Variants in ANO2 observed in about 807,000 individuals in gnomAD.
ANO2 encodes anoctamin-2.
A neutral mutation model predicts 124.2 loss-of-function variants in ANO2; 101 were observed. The ratio of observed to expected loss-of-function variants is 0.81; its 90% CI spans 0.69 to 0.96. ANO2 has a LOEUF of 0.96. Ranked by LOEUF, ANO2 falls within the 40% of genes least tolerant of loss-of-function variation. The probability of loss-of-function intolerance (pLI) is 0.00; values close to 1 mark genes in which losing one functional copy is unlikely to be tolerated. For missense variants in ANO2, 1,293 were observed against 1,274.5 expected, an observed-to-expected ratio of 1.01 and a Z score of -0.22; for synonymous variants, 486 against 482.5, an observed-to-expected ratio of 1.01 and a Z score of -0.09.
At chr12:5,672,383 G>C (rs868671066) in intron 14 of ANO2, among the ~76,000 whole-genome samples, 2 of 152,234 alleles carry the variant, frequency 1.3e-5, no homozygotes, top group Non-Finnish European at 1.5e-5. Flanking sequence ...TGGAGCCGGG[G>C]AACTATGTTA....
chr12:5,621,094 T>C (rs1945096674), intron 16 of ANO2, among the ~76,000 whole-genome samples: 1 of 152,032 alleles, frequency 6.6e-6, no homozygotes, highest in African/African-American at 2.4e-5. Flanking sequence ...TCACTTTCGG[T>C]TTCGAGATCT....
intron 14 of ANO2, among the ~76,000 whole-genome samples, chr12:5,680,682 C>T (rs965466919): frequency 2.0e-5 from 3 of 152,188 alleles, no homozygotes; most frequent in Non-Finnish European, 2.9e-5. Flanking sequence ...AAATGAGCAC[C>T]TGCCAGAAAT....
intron 10 of ANO2, among the ~76,000 whole-genome samples, chr12:5,779,649 C>T (rs904240420): frequency 7.9e-5 from 12 of 152,144 alleles, no homozygotes; most frequent in Middle Eastern, 3.2e-3. Flanking sequence ...CTGTCATAAT[C>T]CAGACCAGAG....
In ANO2 at chr12:5,564,848, A is replaced by G. The variant is rs372779070; in HGVS notation, c.2727+710T>C. ...TTCTGGGCTGGGGTCTGGGGGCAGG[A>G]TACTTTAGAGCCCCCCAGAGATCTG... On this transcript the variant is annotated intron_variant, in intron 24 of 24. Coordinates refer to ENST00000682330, the MANE Select transcript of ANO2 (RefSeq NM_001364791.2). 4.6e-5 allele frequency among the ~76,000 whole-genome samples: 7 copies of G among 152,240 alleles called. No homozygotes were observed. In the East Asian group the frequency reaches 1.4e-3, roughly 29 times the overall value.
intron 14 of ANO2, among the ~76,000 whole-genome samples, chr12:5,730,631 A>G (rs1950595944): frequency 1.3e-5 from 2 of 152,240 alleles, no homozygotes; most frequent in East Asian, 1.9e-4. Flanking sequence ...ATGCCCCTGC[A>G]GCAATGCTAT....
At chr12:5,703,964 C>T (rs1192791870) in intron 14 of ANO2, among the ~76,000 whole-genome samples, 1 of 152,168 alleles carries the variant, frequency 6.6e-6, no homozygotes, top group African/African-American at 2.4e-5. Flanking sequence ...CTGACAATAT[C>T]CATTCACCTG....
chr12:5,733,971 G>GT lies in ANO2; in HGVS notation c.1435-1342dup, dbSNP rs1420696378. Among the ~76,000 whole-genome samples, 10 of 152,314 alleles carry GT rather than the reference G, an allele frequency of 6.6e-5. 1 individual carries two copies. In the East Asian group the frequency reaches 1.7e-3, roughly 26 times the overall value. ...AGCTACCTGCTCTGTATTATTCTAT[G>GT]TTTTGCACAGTACTTGGCACCATGC... On this transcript the variant is annotated intron_variant, in intron 13 of 24. Coordinates refer to ENST00000682330, the MANE Select transcript of ANO2 (RefSeq NM_001364791.2).
At chr12:5,905,916 C>T (rs1037211482) in intron 3 of ANO2, among the ~76,000 whole-genome samples, 7 of 152,214 alleles carry the variant, frequency 4.6e-5, no homozygotes, top group Admixed American at 4.6e-4. Context: ...TCCTCTCTCT[C>T]ACCTTCTCTC....
intron 16 of ANO2, among the ~76,000 whole-genome samples, chr12:5,625,699 G>A (rs771093794): frequency 1.3e-5 from 2 of 152,086 alleles, no homozygotes; most frequent in Non-Finnish European, 2.9e-5. Flanking sequence ...AGCCAGCCTG[G>A]AGGAGTCAGC....
At chr12:5,846,720 T>C (rs1173892318) in intron 4 of ANO2, among the ~76,000 whole-genome samples, 1 of 152,216 alleles carries the variant, frequency 6.6e-6, no homozygotes, top group Non-Finnish European at 1.5e-5. Context: ...CTCCAGTCTC[T>C]GCCTTCTTCA....
At chr12:5,879,427 C>T (rs531165526) in intron 3 of ANO2, among the ~76,000 whole-genome samples, 1 of 152,326 alleles carries the variant, frequency 6.6e-6, no homozygotes, top group South Asian at 2.1e-4. Flanking sequence ...ACGGTATAGT[C>T]ATAAGCACGT....
chr12:5,612,844 G>T, intron 18 of ANO2, 57 bp downstream of exon 18: 1 of 1,610,430 alleles, frequency 6.2e-7, no homozygotes, highest in Non-Finnish European at 8.5e-7. Context: ...CTGTGCTGGA[G>T]ATAAGAATGG....
At chr12:5,631,357 C>G (rs1467428297) in intron 16 of ANO2, among the ~76,000 whole-genome samples, 2 of 152,190 alleles carry the variant, frequency 1.3e-5, no homozygotes, top group African/African-American at 2.4e-5. Flanking sequence ...AGCTATAAAG[C>G]TACCACCTTG....
At chr12:5,741,656 A>T (rs1301004934) in intron 12 of ANO2, among the ~76,000 whole-genome samples, 1 of 152,166 alleles carries the variant, frequency 6.6e-6, no homozygotes, top group Non-Finnish European at 1.5e-5. Flanking sequence ...GGACCACCAT[A>T]CTGATGGAGA....
intron 14 of ANO2, among the ~76,000 whole-genome samples, chr12:5,659,072 C>T (rs1319262329): frequency 1.3e-5 from 2 of 152,122 alleles, no homozygotes. Flanking sequence ...CTCATTCCAC[C>T]ACCTGGTCCC....
intron 1 of ANO2, among the ~76,000 whole-genome samples, chr12:5,936,537 G>A (rs1942659954): frequency 6.6e-6 from 1 of 152,208 alleles, no homozygotes; most frequent in Non-Finnish European, 1.5e-5. Flanking sequence ...GAGAGCAGCT[G>A]TCACCAGATA....
rs553258552 is a variant in ANO2, at chr12:5,904,477, C to T, written c.534+16563G>A. 1.1e-4 allele frequency among the ~76,000 whole-genome samples: 17 copies of T among 152,294 alleles called. No homozygotes were observed. The East Asian group carries it at 2.7e-3, about 24-fold the overall frequency. On this transcript the variant is annotated intron_variant, in intron 3 of 24. Coordinates refer to ENST00000682330, the MANE Select transcript of ANO2 (RefSeq NM_001364791.2). This position sits in a 1 kb window ranked among gnomAD's most constrained non-coding sequence, Gnocchi z 4.1. Reference sequence around the variant, plus strand: ...CTGAGTGTGCCCAGGGCAGACGCCTCGCAGGCCCACCATCACCTCTCCTGA... The same window carrying T: ...CTGAGTGTGCCCAGGGCAGACGCCTTGCAGGCCCACCATCACCTCTCCTGA...
intron 16 of ANO2, among the ~76,000 whole-genome samples, chr12:5,634,848 A>G (rs886549873): frequency 6.6e-6 from 1 of 152,206 alleles, no homozygotes. Context: ...TTCCCAGGTT[A>G]GGCTAAAAAG....
intron 8 of ANO2, among the ~76,000 whole-genome samples, chr12:5,806,579 A>G (rs1208619007): frequency 1.3e-5 from 2 of 152,356 alleles, no homozygotes; most frequent in East Asian, 3.9e-4. Context: ...CACGTGCCCA[A>G]GACCTGACCA....
Sources: gnomAD v4.1 joint callset for allele counts (sites outside exome capture counted in the v4.1 genomes callset) on GRCh38, gnomAD v4.1.1 for gene constraint, Gnocchi (gnomAD v3.1) non-coding constraint, MANE v1.5 for transcripts, NCBI Gene and HGNC (gene_info 2026-07-23, HGNC 2026-07-21) for gene names.